Variants in ASXL3 observed in about 807,000 individuals in gnomAD.
The protein encoded by ASXL3 is putative Polycomb group protein ASXL3.
Under a neutral mutation model 170.6 loss-of-function variants are expected in ASXL3, and 34 were observed. The ratio of observed to expected loss-of-function variants is 0.20; its 90% CI spans 0.15 to 0.27. The LOEUF is 0.27. ASXL3 is among the 10% of genes least tolerant of loss of function. The pLI is 1.00. For missense variants in ASXL3, 2,592 were observed against 2,695.3 expected (o/e 0.96, Z 0.85); for synonymous variants, 1,002 against 989.1 (o/e 1.01, Z -0.24).
At position 33,740,261 on chromosome 18, in the gene ASXL3, A is replaced by C. The variant is rs558094330; in HGVS notation, c.2857A>C (p.Arg953=). 2 of 1,613,476 alleles carry C rather than the reference A, an allele frequency of 1.2e-6. No individual in the cohort carries two copies. The highest frequency in any genetic ancestry group is 2.2e-5 in the East Asian group (1 of 44,860). ...SEPSKSPDGI[R]NESRDSEISK... is the part of the protein sequence containing the mutation. ...GCCCTCCAAGTCACCTGATGGGATA[A>C]GAAATGAAAGTAGAGATTCAGAGAT... The change falls in exon 11 of 12, where the codon AGA becomes CGA. Residue 953 remains arginine (R), a synonymous_variant. Coordinates refer to ENST00000269197, the MANE Select transcript of ASXL3 (RefSeq NM_030632.3).
Position 33,744,595 on chromosome 18 carries a change from G to C in ASXL3, c.4747G>C (p.Ala1583Pro), listed in dbSNP as rs2067737024. Residue 1583 changes from alanine to proline, a missense_variant, in exon 12 of 12, where the codon GCA (alanine) becomes CCA (proline). Physicochemically the swap from Ala to Pro is conservative, Grantham distance 27. Coordinates refer to ENST00000269197, the MANE Select transcript of ASXL3 (RefSeq NM_030632.3). ...TCCCAGTCATAACTTTGCTGAGCAGGCACGTGGCCCAGCTCCTTTCAAAAG... is the reference window on the plus strand; with the variant it reads ...TCCCAGTCATAACTTTGCTGAGCAGCCACGTGGCCCAGCTCCTTTCAAAAG... ...TAPSHNFAEQ[A>P]RGPAPFKSEA... is the part of the protein sequence containing the mutation. The C allele has an allele frequency of 6.2e-7, 1 of 1,609,652 alleles. No individual in the cohort carries two copies. The highest frequency in any genetic ancestry group is 2.2e-5 in the East Asian group (1 of 44,776).
rs1199138340 is a variant in ASXL3, at chr18:33,747,848, T to TAACA, written c.*1254_*1257dup. On this transcript the variant is annotated 3_prime_UTR_variant, in exon 12 of 12. Coordinates refer to ENST00000269197, the MANE Select transcript of ASXL3 (RefSeq NM_030632.3). Reference sequence around the variant, plus strand: ...CTTTTGAAAAAGGGATACTGCATCTTAACAGTTATCTTCAGTGTGCATCCA... The same window carrying TAACA: ...CTTTTGAAAAAGGGATACTGCATCTTAACAAACAGTTATCTTCAGTGTGCATCCA... 2 of 152,222 alleles carry TAACA rather than the reference T, an allele frequency of 1.3e-5. No homozygotes were observed. Among genetic ancestry groups the TAACA allele is most frequent in the African/African-American group, 4.8e-5 (2 of 41,464 alleles). 9.4% of individuals were successfully genotyped at this position (152,222 alleles called of 1,614,324 possible).
At chr18:33,696,272 T>A (rs9949483) in intron 8 of ASXL3, among the ~76,000 whole-genome samples, 10 of 152,114 alleles carry the variant, frequency 6.6e-5, no homozygotes, top group African/African-American at 2.4e-4. Context: ...TTTGTTAAAG[T>A]TCATTGTAAA....
chr18:33,746,688 T>A lies in ASXL3; in HGVS notation c.*93T>A. The A allele has an allele frequency of 6.8e-7, 1 of 1,474,108 alleles. No homozygotes were observed. Among genetic ancestry groups the A allele is most frequent in the South Asian group, 1.5e-5 (1 of 66,548 alleles). 91.3% of individuals were successfully genotyped at this position (1,474,108 alleles called of 1,614,324 possible). A position where few individuals can be genotyped will look rare whatever the true frequency, so the allele number is the denominator to read the frequency against. On this transcript the variant is annotated 3_prime_UTR_variant, in exon 12 of 12. Transcript: ENST00000269197. Reference sequence around the variant, plus strand: ...TAGAATAATGCAGTGGTTTCTATCATGCTAATTTATTTTGCTTTGGAGCAG... The same window carrying A: ...TAGAATAATGCAGTGGTTTCTATCAAGCTAATTTATTTTGCTTTGGAGCAG...
At chr18:33,586,033 A>T (rs940000989) in intron 1 of ASXL3, among the ~76,000 whole-genome samples, 7 of 152,188 alleles carry the variant, frequency 4.6e-5, no homozygotes, top group Admixed American at 6.5e-5. Flanking sequence ...AGGCAATAGG[A>T]TGGACCATTC....
intron 4 of ASXL3, among the ~76,000 whole-genome samples, chr18:33,651,643 G>A (rs1322235538): frequency 5.3e-5 from 8 of 152,196 alleles, no homozygotes; most frequent in Non-Finnish European, 7.4e-5. Context: ...GTGTTATATT[G>A]GATTGACAAC....
intron 1 of ASXL3, among the ~76,000 whole-genome samples, chr18:33,604,581 GA>G (rs1187438203): frequency 6.6e-6 from 1 of 151,942 alleles, no homozygotes; most frequent in Admixed American, 6.6e-5. Context: ...AAGATCAGTG[GA>G]ACCTAGTGGG....
At chr18:33,729,234 GA>G (rs1406126595) in intron 8 of ASXL3, among the ~76,000 whole-genome samples, 1 of 152,186 alleles carries the variant, frequency 6.6e-6, no homozygotes, top group South Asian at 2.1e-4. Flanking sequence ...ATTTATTGGA[GA>G]AAATGTGTAG....
intron 8 of ASXL3, among the ~76,000 whole-genome samples, chr18:33,729,652 T>C (rs983881762): frequency 2.0e-5 from 3 of 152,144 alleles, no homozygotes; most frequent in African/African-American, 4.8e-5. Flanking sequence ...ACAAGACTTA[T>C]GACCAGAAGC....
Position 33,578,458 on chromosome 18 carries a change from C to CCCGCCGCCGCCGCCGCCGCCGCCGCCG in ASXL3, c.-159_-133dup, listed in dbSNP as rs552419485. 74 of 92,206 alleles carry CCCGCCGCCGCCGCCGCCGCCGCCGCCG rather than the reference C, an allele frequency of 8.0e-4. No individual in the cohort carries two copies. The highest frequency in any genetic ancestry group is 4.0e-3 in the African/African-American group (67 of 16,656). 5.7% of individuals were successfully genotyped at this position (92,206 alleles called of 1,614,324 possible). ...CCACCCCCTCGCTCCATCCCTCCCA[C>CCCGCCGCCGCCGCCGCCGCCGCCGCCG]CCGCCGCCGCCGCCGCCGCCGCCGC... On this transcript the variant is annotated 5_prime_UTR_variant, in exon 1 of 12. Transcript: ENST00000269197.
intron 8 of ASXL3, among the ~76,000 whole-genome samples, chr18:33,728,563 C>T (rs2067386165): frequency 6.6e-6 from 1 of 152,110 alleles, no homozygotes; most frequent in South Asian, 2.1e-4. Flanking sequence ...TTTACCAAAA[C>T]TCCTTAATAA....
rs2067742691 is a variant in ASXL3, at chr18:33,744,776, A to G, written c.4928A>G (p.Lys1643Arg). 2 of 1,613,936 alleles carry G rather than the reference A, an allele frequency of 1.2e-6. No individual in the cohort carries two copies. The highest frequency in any genetic ancestry group is 1.1e-5 in the South Asian group (1 of 91,084). The change falls in exon 12 of 12, where the codon AAA (lysine) becomes AGA (arginine). Residue 1643 changes from lysine (K) to arginine (R), a missense_variant. This residue lies in a region of ASXL3 where 2,246 missense variants were observed against 2,219.6 expected (regional missense o/e 1.01). Coordinates refer to ENST00000269197, the MANE Select transcript of ASXL3 (RefSeq NM_030632.3). ...GAGCAAAGCTGTCCAAAGGCTATCA[A>G]AACTGAACATGCCAACTACTTGAAC... is the stretch of plus-strand genomic sequence containing the variant. ...YLEQSCPKAI[K>R]TEHANYLNVS...
Position 33,738,824 on chromosome 18 carries a change from C to A in ASXL3, c.1420C>A (p.Pro474Thr). ...ECQDENHKTIPEFSEEAESLT... is the reference protein window; with the variant it reads ...ECQDENHKTITEFSEEAESLT... ...CCAGGATGAAAATCATAAGACAATA[C>A]CTGAATTTTCTGAGGAGGCTGAAAG... The change falls in exon 11 of 12, where the codon CCT becomes ACT. Residue 474 changes from proline to threonine, a missense_variant. Pro to Thr is a conservative substitution (Grantham distance 38). Around this residue, in one of 4 missense-constraint regions of ASXL3, gnomAD observed 2,246 missense variants for 2,219.6 expected, o/e 1.01. Transcript: ENST00000269197. The A allele has an allele frequency of 6.2e-7, 1 of 1,613,538 alleles. No individual in the cohort carries two copies. Among genetic ancestry groups the A allele is most frequent in the Non-Finnish European group, 8.5e-7 (1 of 1,179,840 alleles).
At chr18:33,638,186 G>GTA (rs1352326101) in intron 2 of ASXL3, among the ~76,000 whole-genome samples, 3 of 149,738 alleles carry the variant, frequency 2.0e-5, no homozygotes, top group Non-Finnish European at 4.4e-5. Context: ...TATCTTATGT[G>GTA]TATATATATC....
At chr18:33,641,760 T>G (rs981804327) in intron 2 of ASXL3, 1 of 152,526 alleles carries the variant, frequency 6.6e-6, no homozygotes, top group African/African-American at 2.4e-5. Context: ...GTTTTCTTCC[T>G]TTCTTTTTGT....
At chr18:33,616,602 G>A (rs147730144) in intron 2 of ASXL3, 2 of 152,292 alleles carry the variant, frequency 1.3e-5, no homozygotes, top group African/African-American at 4.8e-5. Context: ...AATTGTGATT[G>A]TCTTAGTCAG....
chr18:33,581,850 G>A (rs1169945247), intron 1 of ASXL3, among the ~76,000 whole-genome samples: 1 of 152,050 alleles, frequency 6.6e-6, no homozygotes, highest in Non-Finnish European at 1.5e-5. Flanking sequence ...AAGGAATGGT[G>A]GTACAATTTG....
At chr18:33,680,872 T>C (rs926460430) in intron 7 of ASXL3, among the ~76,000 whole-genome samples, 6 of 152,012 alleles carry the variant, frequency 3.9e-5, no homozygotes, top group African/African-American at 1.4e-4. Flanking sequence ...GTGTATTTCT[T>C]CTAAGCAGCA....
At chr18:33,674,218 C>T (rs2066390728) in intron 7 of ASXL3, among the ~76,000 whole-genome samples, 1 of 152,056 alleles carries the variant, frequency 6.6e-6, no homozygotes, top group South Asian at 2.1e-4. Context: ...AATCATCTAA[C>T]CTATATTTTA....
Sources: gnomAD v4.1 joint callset for allele counts (sites outside exome capture counted in the v4.1 genomes callset) on GRCh38, gnomAD v4.1.1 for gene constraint, gnomAD v4.1.1 regional missense constraint, MANE v1.5 for transcripts, NCBI Gene and HGNC (gene_info 2026-07-23, HGNC 2026-07-21) for gene names.